RANBP2: variants seen among roughly 807,000 people sequenced by gnomAD.
RANBP2 encodes the protein E3 SUMO-protein ligase RanBP2.
A neutral mutation model predicts 303.6 loss-of-function variants in RANBP2; 57 were observed. That is an observed-to-expected ratio of 0.19 (90% CI 0.15 to 0.23). The LOEUF (loss-of-function observed/expected upper bound fraction) is 0.23. RANBP2 is among the 10% of genes least tolerant of loss of function. The pLI is 1.00. For synonymous variants in RANBP2, 1,167 were observed against 1,301.5 expected, an observed-to-expected ratio of 0.90 and a Z score of 2.23; for missense variants, 3,138 against 3,780.8, an observed-to-expected ratio of 0.83 and a Z score of 4.46.
At chr2:109,127,030 G>A in the RANBP2 span, among the ~76,000 whole-genome samples, 3 of 152,218 alleles carry the variant, frequency 2.0e-5, no homozygotes, top group Admixed American at 6.5e-5. Flanking sequence ...TCCATGCACT[G>A]CGAGGTGTGT....
chr2:109,194,076 G>C, the RANBP2 span, among the ~76,000 whole-genome samples: 1 of 152,198 alleles, frequency 6.6e-6, no homozygotes, highest in African/African-American at 2.4e-5. Context: ...CTCCAGGTCA[G>C]GATATTCTGA....
the RANBP2 span, among the ~76,000 whole-genome samples, chr2:109,078,373 G>A: frequency 5.5e-5 from 8 of 144,244 alleles, 1 homozygote; most frequent in South Asian, 2.2e-4. Flanking sequence ...TTGCAACAAC[G>A]TGGGACATTA....
the RANBP2 span, among the ~76,000 whole-genome samples, chr2:109,120,285 T>A: frequency 6.6e-6 from 1 of 152,184 alleles, no homozygotes; most frequent in South Asian, 2.1e-4. Flanking sequence ...CTGGATTCAC[T>A]CTGTTTAACA....
At chr2:109,296,742 G>A in the RANBP2 span, among the ~76,000 whole-genome samples, 2 of 152,182 alleles carry the variant, frequency 1.3e-5, no homozygotes, top group Non-Finnish European at 2.9e-5. Context: ...GGAGTGCAGA[G>A]GATTCGCGTG....
the RANBP2 span, among the ~76,000 whole-genome samples, chr2:109,349,393 C>G: frequency 6.6e-6 from 1 of 152,184 alleles, no homozygotes; most frequent in Non-Finnish European, 1.5e-5. Flanking sequence ...CGGGAAACTG[C>G]ACTGGTGCCT....
chr2:109,691,402 C>A, the RANBP2 span, among the ~76,000 whole-genome samples: 1 of 152,064 alleles, frequency 6.6e-6, no homozygotes, highest in African/African-American at 2.4e-5. Flanking sequence ...TGGGTTGGAC[C>A]GGGGCCTGGT....
At chr2:109,420,224 C>A in the RANBP2 span, among the ~76,000 whole-genome samples, 1 of 152,174 alleles carries the variant, frequency 6.6e-6, no homozygotes, top group Non-Finnish European at 1.5e-5. Context: ...TAAAATTCCC[C>A]ATTTAAATCA....
the RANBP2 span, among the ~76,000 whole-genome samples, chr2:109,417,520 A>G: frequency 6.6e-6 from 1 of 152,166 alleles, no homozygotes; most frequent in African/African-American, 2.4e-5. Context: ...GGCATGAGGC[A>G]GGCACAGGAC....
chr2:109,130,196 T>C, the RANBP2 span: 1 of 1,195,226 alleles, frequency 8.4e-7, no homozygotes, highest in Non-Finnish European at 1.0e-6. Flanking sequence ...AGTGATGAGG[T>C]GCGGAGGAGA....
the RANBP2 span, among the ~76,000 whole-genome samples, chr2:109,482,224 C>A: frequency 6.6e-6 from 1 of 152,096 alleles, no homozygotes; most frequent in African/African-American, 2.4e-5. Flanking sequence ...AATGTATGGG[C>A]AAGACTTAGG....
the RANBP2 span, among the ~76,000 whole-genome samples, chr2:109,395,538 C>T: frequency 2.0e-5 from 3 of 152,204 alleles, no homozygotes; most frequent in African/African-American, 7.2e-5. Flanking sequence ...TCTGTTGAAG[C>T]TGCCTATCTT....
At chr2:108,809,109 G>A in the RANBP2 span, among the ~76,000 whole-genome samples, 8 of 152,098 alleles carry the variant, frequency 5.3e-5, no homozygotes, top group Non-Finnish European at 7.4e-5. Flanking sequence ...CACCTTTGTA[G>A]AAAATCAGTT....
the RANBP2 span, among the ~76,000 whole-genome samples, chr2:109,498,113 G>C: frequency 1.3e-5 from 2 of 152,158 alleles, no homozygotes; most frequent in African/African-American, 4.8e-5. Context: ...TCACAGAGAC[G>C]CTGAGCTGGG....
the RANBP2 span, among the ~76,000 whole-genome samples, chr2:109,171,792 T>C: frequency 6.6e-6 from 1 of 152,234 alleles, no homozygotes; most frequent in Non-Finnish European, 1.5e-5. Context: ...CCACGCTCAC[T>C]TGCAGCGGGG....
the RANBP2 span, among the ~76,000 whole-genome samples, chr2:109,708,821 CA>C: frequency 9.5e-3 from 1,416 of 149,064 alleles, 26 homozygotes; most frequent in African/African-American, 0.033. Context: ...ACTAAAAATA[CA>C]AAAATAAGCT....
intron 1 of RANBP2, among the ~76,000 whole-genome samples, chr2:108,726,863 T>C (rs1694756198): frequency 6.6e-6 from 1 of 152,104 alleles, no homozygotes; most frequent in African/African-American, 2.4e-5. Flanking sequence ...TTCAAGCATC[T>C]GTTTAACAAA....
At chr2:109,409,356 C>T in the RANBP2 span, among the ~76,000 whole-genome samples, 1 of 152,148 alleles carries the variant, frequency 6.6e-6, no homozygotes, top group Non-Finnish European at 1.5e-5. Context: ...TAGTATCTGC[C>T]GCAGTGACTC....
the RANBP2 span, chr2:109,552,402 A>G: frequency 6.6e-6 from 1 of 152,248 alleles, no homozygotes; most frequent in Non-Finnish European, 1.5e-5. Flanking sequence ...AAGCCATAGT[A>G]AAAATGTTTA....
At chr2:109,252,328 C>A in the RANBP2 span, among the ~76,000 whole-genome samples, 1 of 151,686 alleles carries the variant, frequency 6.6e-6, no homozygotes, top group African/African-American at 2.4e-5. Flanking sequence ...TTACATTGTT[C>A]AACAGAAGCC....
Sources: gnomAD v4.1 joint callset for allele counts (sites outside exome capture counted in the v4.1 genomes callset) on GRCh38, gnomAD v4.1.1 for gene constraint, MANE v1.5 for transcripts, NCBI Gene and HGNC (gene_info 2026-07-23, HGNC 2026-07-21) for gene names.